Variants in LEKR1 observed in about 807,000 individuals in gnomAD.
LEKR1 encodes the protein protein LEKR1.
LEKR1 carries 59 observed loss-of-function variants against 72.4 expected under a neutral mutation model. The ratio of observed to expected loss-of-function variants is 0.82; its 90% CI spans 0.66 to 1.01. LEKR1 has a LOEUF of 1.01. LEKR1 is among the 50% of genes least tolerant of loss of function. The probability of loss-of-function intolerance (pLI) is 0.00; values close to 1 mark genes in which losing one functional copy is unlikely to be tolerated. For synonymous variants in LEKR1, 257 were observed against 263.2 expected, an observed-to-expected ratio of 0.98 and a Z score of 0.23; for missense variants, 728 against 759.2, an observed-to-expected ratio of 0.96 and a Z score of 0.48.
At chr3:157,029,430 G>A (rs1197491743) in intron 12 of LEKR1, among the ~76,000 whole-genome samples, 1 of 151,928 alleles carries the variant, frequency 6.6e-6, no homozygotes, top group Non-Finnish European at 1.5e-5. Context: ...ATTTCCATAA[G>A]GTCAGACAGT....
chr3:156,945,824 T>C (rs536466700), intron 6 of LEKR1, among the ~76,000 whole-genome samples: 2 of 151,710 alleles, frequency 1.3e-5, no homozygotes, highest in South Asian at 2.1e-4. Context: ...TGTTTTTATG[T>C]CAGCACCCAG....
chr3:156,994,135 T>C (rs1419861703), intron 9 of LEKR1, among the ~76,000 whole-genome samples: 1 of 152,122 alleles, frequency 6.6e-6, no homozygotes, highest in Non-Finnish European at 1.5e-5. Context: ...ATTCTTCCTA[T>C]CATTTTTATA....
chr3:156,873,617 G>A (rs1029060631), intron 3 of LEKR1, among the ~76,000 whole-genome samples: 4 of 151,654 alleles, frequency 2.6e-5, no homozygotes, highest in African/African-American at 9.7e-5. Context: ...TTTTCATGGT[G>A]GTATTTATTG....
At chr3:156,900,839 G>A (rs1189430547) in intron 3 of LEKR1, among the ~76,000 whole-genome samples, 1 of 152,054 alleles carries the variant, frequency 6.6e-6, no homozygotes, top group Non-Finnish European at 1.5e-5. Context: ...TTTTTTAATG[G>A]TGAAGTGAAG....
At chr3:156,895,420 C>A (rs927555990) in intron 3 of LEKR1, among the ~76,000 whole-genome samples, 3 of 152,044 alleles carry the variant, frequency 2.0e-5, no homozygotes, top group Admixed American at 1.3e-4. Flanking sequence ...TCAAGACCAG[C>A]CTGAGCAACA....
intron 7 of LEKR1, among the ~76,000 whole-genome samples, chr3:156,989,255 C>T (rs1730962360): frequency 1.3e-5 from 2 of 152,104 alleles, no homozygotes; most frequent in African/African-American, 4.8e-5. Flanking sequence ...ATGGATGAAC[C>T]ATAACTTATT....
intron 6 of LEKR1, among the ~76,000 whole-genome samples, chr3:156,958,046 C>G (rs1727805991): frequency 6.6e-6 from 1 of 152,142 alleles, no homozygotes; most frequent in African/African-American, 2.4e-5. Context: ...TGGTTGAAAT[C>G]ATTTAAAATT....
rs1717111298 is a variant in LEKR1, at chr3:156,864,605, C to G, written c.263+11623C>G. On this transcript the variant is annotated intron_variant, in intron 3 of 12. Coordinates refer to ENST00000356539, the MANE Select transcript of LEKR1 (RefSeq NM_001004316.3). ...CATTTTCTCACATGCATATATCCCT[C>G]AGTTCACTGTAATTTGGTTTCATTC... Among the ~76,000 whole-genome samples the G allele has an allele frequency of 5.9e-5, 9 of 152,046 alleles. 1 individual carries two copies.
Position 156,979,182 on chromosome 3 carries a change from G to A in LEKR1, c.746-12G>A, listed in dbSNP as rs1325376644. On this transcript the variant is annotated splice_polypyrimidine_tract_variant and intron_variant, in intron 6 of 12. Coordinates refer to ENST00000356539, the MANE Select transcript of LEKR1 (RefSeq NM_001004316.3). ...ATGTACTAATCAGATGAAATACATT[G>A]TGTCATTTCAGATTTACAATGTCTA... 1 of 1,190,574 alleles carries A rather than the reference G, an allele frequency of 8.4e-7. No individual in the cohort carries two copies. The highest frequency in any genetic ancestry group is 1.1e-6 in the Non-Finnish European group (1 of 897,040). 73.8% of individuals were successfully genotyped at this position (1,190,574 alleles called of 1,614,324 possible).
rs746039954 is a variant in LEKR1, at chr3:157,045,357, G to A, written c.1686G>A (p.Glu562=). The A allele has an allele frequency of 5.0e-6, 8 of 1,610,246 alleles. No individual in the cohort carries two copies. Among genetic ancestry groups the A allele is most frequent in the Non-Finnish European group, 6.8e-6 (8 of 1,177,262 alleles). Residue 562 remains glutamate (E), a synonymous_variant, in exon 13 of 13, where the codon GAG becomes GAA. Transcript: ENST00000356539. ...CTTTTCAGAATACTTTTCTTCAGGA[G>A]ACAGTGCGTAGAGAATGTGAAGAAC... ...QSQEENTFLQ[E]TVRRECEERF...
At chr3:156,854,289 A>G (rs887135376) in intron 3 of LEKR1, among the ~76,000 whole-genome samples, 1 of 151,714 alleles carries the variant, frequency 6.6e-6, no homozygotes, top group Non-Finnish European at 1.5e-5. Flanking sequence ...GATTACAGCT[A>G]CACACCACCA....
intron 3 of LEKR1, among the ~76,000 whole-genome samples, chr3:156,901,546 C>G (rs1290794205): frequency 6.6e-6 from 1 of 152,110 alleles, no homozygotes; most frequent in Non-Finnish European, 1.5e-5. Context: ...CTTTTTCTCT[C>G]TAATGCAATT....
At chr3:156,848,558 A>G (rs1026442685) in intron 2 of LEKR1, among the ~76,000 whole-genome samples, 3 of 152,202 alleles carry the variant, frequency 2.0e-5, no homozygotes, top group African/African-American at 7.2e-5. Context: ...ACATTTGACA[A>G]AGTTTGTCAT....
intron 3 of LEKR1, among the ~76,000 whole-genome samples, chr3:156,911,771 A>G (rs902692330): frequency 1.3e-5 from 2 of 151,964 alleles, no homozygotes; most frequent in Non-Finnish European, 2.9e-5. Flanking sequence ...TTCTTTCCCA[A>G]TTGCTTTTTT....
chr3:156,835,369 C>G (rs1410060786), intron 2 of LEKR1, among the ~76,000 whole-genome samples: 1 of 152,222 alleles, frequency 6.6e-6, no homozygotes, highest in East Asian at 1.9e-4. Flanking sequence ...CTTCAAGGAA[C>G]AGGGCCAAGA....
chr3:156,828,367 T>C (rs540744072), intron 1 of LEKR1, among the ~76,000 whole-genome samples: 2 of 152,338 alleles, frequency 1.3e-5, no homozygotes, highest in Admixed American at 6.5e-5. Context: ...AATCCTGCCC[T>C]GATTGAATAC....
At chr3:156,886,689 A>T (rs1655937334) in intron 3 of LEKR1, among the ~76,000 whole-genome samples, 1 of 152,052 alleles carries the variant, frequency 6.6e-6, no homozygotes, top group Admixed American at 6.6e-5. Flanking sequence ...AGGTGAGGTT[A>T]AAACCTCCCA....
intron 6 of LEKR1, among the ~76,000 whole-genome samples, chr3:156,966,889 G>A (rs1728658699): frequency 6.6e-6 from 1 of 152,198 alleles, no homozygotes; most frequent in Non-Finnish European, 1.5e-5. Context: ...AGTAGGGGCA[G>A]ACTGACACCT....
chr3:157,038,597 C>T (rs56691909), intron 12 of LEKR1, among the ~76,000 whole-genome samples: 4,346 of 152,016 alleles, frequency 0.029, 142 homozygotes, highest in East Asian at 0.1. Flanking sequence ...TAGAATCTAG[C>T]GATGGTGACA....
Sources: gnomAD v4.1 joint callset for allele counts (sites outside exome capture counted in the v4.1 genomes callset) on GRCh38, gnomAD v4.1.1 for gene constraint, MANE v1.5 for transcripts, NCBI Gene and HGNC (gene_info 2026-07-23, HGNC 2026-07-21) for gene names.